MSRB3: variants seen among roughly 807,000 people sequenced by gnomAD.
MSRB3 encodes methionine-R-sulfoxide reductase B3.
In MSRB3, 13 loss-of-function variants were observed where a neutral mutation model predicts 21.0. The observed-to-expected ratio is 0.62, with a 90% confidence interval of 0.40 to 0.98. The LOEUF (loss-of-function observed/expected upper bound fraction) is 0.98, where lower values mean the gene tolerates loss of function less well. MSRB3 is among the 50% of genes least tolerant of loss of function. The probability of loss-of-function intolerance (pLI) is 0.00; values close to 1 mark genes in which losing one functional copy is unlikely to be tolerated. For missense variants in MSRB3, 199 were observed against 230.3 expected, an observed-to-expected ratio of 0.86 and a Z score of 0.88; for synonymous variants, 87 against 88.6, an observed-to-expected ratio of 0.98 and a Z score of 0.10.
chr12:65,418,421 G>A (rs1052852255), intron 5 of MSRB3, among the ~76,000 whole-genome samples: 5 of 152,144 alleles, frequency 3.3e-5, no homozygotes, highest in African/African-American at 1.2e-4. Flanking sequence ...CAGATGTGAG[G>A]TTTGCAAAGA....
At chr12:65,442,107 T>C (rs1250124235) in intron 5 of MSRB3, among the ~76,000 whole-genome samples, 1 of 152,050 alleles carries the variant, frequency 6.6e-6, no homozygotes, top group Non-Finnish European at 1.5e-5. Context: ...TGAATGATCA[T>C]AGAAGATTTA....
At chr12:65,348,556 T>C (rs1480410217) in intron 4 of MSRB3, among the ~76,000 whole-genome samples, 4 of 152,170 alleles carry the variant, frequency 2.6e-5, no homozygotes, top group Non-Finnish European at 5.9e-5. Flanking sequence ...TTCACTGATT[T>C]TTTGAAGGGT....
Position 65,404,034 on chromosome 12 carries a change from G to T in MSRB3, c.292+35008G>T, listed in dbSNP as rs117024137. 1.3e-3 allele frequency among the ~76,000 whole-genome samples: 198 copies of T among 152,292 alleles called. 4 individuals are homozygous for T. In the East Asian group the frequency reaches 0.033, roughly 26 times the overall value. ...TTGATCTCGCTGGAAGCTGCAGACCGGAGCTGTTCCTATTTGATCATCTTG... is the reference window on the plus strand; with the variant it reads ...TTGATCTCGCTGGAAGCTGCAGACCTGAGCTGTTCCTATTTGATCATCTTG... On this transcript the variant is annotated intron_variant, in intron 5 of 6. Coordinates refer to ENST00000308259, the MANE Select transcript of MSRB3 (RefSeq NM_001031679.3).
At chr12:65,415,388 T>C (rs1447097002) in intron 5 of MSRB3, among the ~76,000 whole-genome samples, 1 of 152,100 alleles carries the variant, frequency 6.6e-6, no homozygotes, top group East Asian at 1.9e-4. Context: ...GATGGCTGTC[T>C]GGAGTTTTGA....
intron 1 of MSRB3, among the ~76,000 whole-genome samples, chr12:65,306,031 A>C (rs1012849518): frequency 2.6e-5 from 4 of 152,210 alleles, no homozygotes; most frequent in African/African-American, 9.6e-5. Flanking sequence ...TTATCTTATA[A>C]GTGAGGAAAC....
chr12:65,284,834 G>C (rs1276709861), intron 1 of MSRB3: 1 of 152,112 alleles, frequency 6.6e-6, no homozygotes, highest in Non-Finnish European at 1.5e-5. Context: ...ATAATACATG[G>C]GAAGTGTTGG....
intron 4 of MSRB3, among the ~76,000 whole-genome samples, chr12:65,356,166 A>G (rs1287023052): frequency 6.6e-6 from 1 of 151,882 alleles, no homozygotes; most frequent in East Asian, 1.9e-4. Context: ...TTATCTTTTT[A>G]GTGATGAATT....
rs114310151 is a variant in MSRB3 at position 65,465,573 on chromosome 12, G to A, written c.*2251G>A. The stretch of plus-strand genomic sequence containing the variant: ...CTACAAGCACCTCTCTAAGAAGCCT[G>A]ACATCCCGGTGGACTCTTTATAGTC... On this transcript the variant is annotated 3_prime_UTR_variant, in exon 7 of 7. Transcript: ENST00000308259. 1.3e-3 allele frequency: 203 copies of A among 152,214 alleles called. 1 individual carries two copies. The highest frequency in any genetic ancestry group is 4.8e-3 in the African/African-American group (199 of 41,542). 9.4% of individuals were successfully genotyped at this position (152,214 alleles called of 1,614,324 possible). A position where few individuals can be genotyped will look rare whatever the true frequency, so the allele number is the denominator to read the frequency against.
chr12:65,367,385 T>G (rs182558033), intron 4 of MSRB3, among the ~76,000 whole-genome samples: 2 of 152,144 alleles, frequency 1.3e-5, no homozygotes, highest in African/African-American at 2.4e-5. Flanking sequence ...TCAAAGGAGA[T>G]GAGAGATGCA....
intron 3 of MSRB3, among the ~76,000 whole-genome samples, chr12:65,327,587 C>T (rs951068836): frequency 6.6e-6 from 1 of 152,182 alleles, no homozygotes; most frequent in Non-Finnish European, 1.5e-5. Flanking sequence ...TGCCAAGGTC[C>T]GACGACTTTG....
intron 5 of MSRB3, among the ~76,000 whole-genome samples, chr12:65,400,671 C>T (rs548842049): frequency 6.6e-6 from 1 of 152,118 alleles, no homozygotes; most frequent in Admixed American, 6.5e-5. Flanking sequence ...TTTGTTTGCT[C>T]TTGCTTCTCT....
intron 4 of MSRB3, among the ~76,000 whole-genome samples, chr12:65,334,002 G>C (rs756911774): frequency 1.3e-5 from 2 of 152,172 alleles, no homozygotes; most frequent in Non-Finnish European, 2.9e-5. Flanking sequence ...GGAAAAAGAA[G>C]GAAATAGGGA....
chr12:65,377,124 C>T (rs568089725), intron 5 of MSRB3, among the ~76,000 whole-genome samples: 107 of 152,318 alleles, frequency 7.0e-4, no homozygotes, highest in Middle Eastern at 3.4e-3. Flanking sequence ...TCCTTGACAC[C>T]TTCCCAGCAG....
intron 5 of MSRB3, among the ~76,000 whole-genome samples, chr12:65,401,969 C>G (rs925990197): frequency 2.6e-5 from 4 of 152,174 alleles, no homozygotes; most frequent in Non-Finnish European, 4.4e-5. Context: ...AGAGTTTCTG[C>G]AGAAAGATCT....
rs1883572200 is a variant in MSRB3 at position 65,466,344 on chromosome 12, T to C, written c.*3022T>C. 2 of 152,166 alleles carry C rather than the reference T, an allele frequency of 1.3e-5. No individual in the cohort carries two copies. Among genetic ancestry groups the C allele is most frequent in the South Asian group, 4.1e-4 (2 of 4,822 alleles). The allele number at this position is 152,166 out of a possible 1,614,324, so 9.4% of individuals were successfully genotyped here. On this transcript the variant is annotated 3_prime_UTR_variant, in exon 7 of 7. Transcript: ENST00000308259. ...ATATTACTAAAACGTCAGTGAGCAA[T>C]AATGTCAGCTGTCAAGCACTAGATT...
chr12:65,415,395 T>C (rs945042170), intron 5 of MSRB3, among the ~76,000 whole-genome samples: 1 of 152,078 alleles, frequency 6.6e-6, no homozygotes, highest in African/African-American at 2.4e-5. Context: ...GTCTGGAGTT[T>C]TGAGAGATGT....
intron 5 of MSRB3, among the ~76,000 whole-genome samples, chr12:65,379,543 G>T (rs969493724): frequency 3.9e-5 from 6 of 152,040 alleles, no homozygotes; most frequent in Non-Finnish European, 8.8e-5. Flanking sequence ...CTCATCAGAG[G>T]TAACCACTCT....
At chr12:65,447,241 G>A (rs1882659310) in intron 5 of MSRB3, among the ~76,000 whole-genome samples, 1 of 152,100 alleles carries the variant, frequency 6.6e-6, no homozygotes, top group Non-Finnish European at 1.5e-5. Flanking sequence ...CATCAGATGT[G>A]TAGGATAACT....
chr12:65,299,960 C>G (rs1164983682), intron 1 of MSRB3, among the ~76,000 whole-genome samples: 1 of 152,126 alleles, frequency 6.6e-6, no homozygotes, highest in Admixed American at 6.6e-5. Context: ...TAATGTGGTT[C>G]CTTCTCATTA....
Sources: gnomAD v4.1 joint callset for allele counts (sites outside exome capture counted in the v4.1 genomes callset) on GRCh38, gnomAD v4.1.1 for gene constraint, MANE v1.5 for transcripts, NCBI Gene and HGNC (gene_info 2026-07-23, HGNC 2026-07-21) for gene names.